Variants in ABCB10 observed in about 807,000 individuals in gnomAD.
ABCB10 encodes the protein ATP-binding cassette sub-family B member 10, mitochondrial.
In ABCB10, 54 loss-of-function variants were observed where a neutral mutation model predicts 65.4. The observed-to-expected ratio is 0.83, with a 90% confidence interval of 0.66 to 1.04. The LOEUF is 1.04. Among genes scored for constraint, ABCB10 ranks in the 50% least tolerant of loss-of-function variants. The pLI, the probability that ABCB10 is intolerant of heterozygous loss-of-function variation, is 0.00. For synonymous variants in ABCB10, 418 were observed against 406.5 expected, an observed-to-expected ratio of 1.03 and a Z score of -0.34; for missense variants, 846 against 976.6, an observed-to-expected ratio of 0.87 and a Z score of 1.78.
chr1:229,544,506 T>C (rs1273622928), intron 3 of ABCB10, among the ~76,000 whole-genome samples: 1 of 151,660 alleles, frequency 6.6e-6, no homozygotes, highest in African/African-American at 2.4e-5. Context: ...ATTGGCAGTA[T>C]GCCATACACA....
At chr1:229,546,907 A>T (rs1662981147) in intron 3 of ABCB10, among the ~76,000 whole-genome samples, 1 of 152,132 alleles carries the variant, frequency 6.6e-6, no homozygotes, top group South Asian at 2.1e-4. Flanking sequence ...TAAAAAAAAA[A>T]TTAATCTCAT....
At chr1:229,555,501 C>T (rs1009372940) in intron 1 of ABCB10, among the ~76,000 whole-genome samples, 2 of 152,262 alleles carry the variant, frequency 1.3e-5, no homozygotes, top group Non-Finnish European at 2.9e-5. Context: ...CAGCACACGT[C>T]TGTACATATT....
At position 229,530,242 on chromosome 1, in the gene ABCB10, T is replaced by C. The variant is rs1176418389; in HGVS notation, c.1602A>G (p.Ser534=). The C allele has an allele frequency of 1.2e-6, 2 of 1,614,104 alleles. No individual in the cohort carries two copies. The highest frequency in any genetic ancestry group is 3.3e-5 in the Admixed American group (2 of 60,008). The change falls in exon 8 of 13, where the codon TCA becomes TCG. Residue 534 remains serine, a synonymous_variant. Transcript: ENST00000344517. ...ACCTCAGCAGGAGTGAAAGCACTGT[T>C]GATTTGCCAGAACCACTTGGGCCAA... The part of the protein sequence containing the change: ...ALVGPSGSGK[S]TVLSLLLRLY...
intron 3 of ABCB10, among the ~76,000 whole-genome samples, chr1:229,544,342 G>A (rs566355629): frequency 2.7e-5 from 4 of 150,526 alleles, no homozygotes; most frequent in African/African-American, 7.3e-5. Flanking sequence ...ACTCGAGCTC[G>A]GGAGGCAGAG....
In ABCB10 at chr1:229,542,242, T is replaced by C; in HGVS notation, c.1051A>G (p.Thr351Ala). 6.2e-7 allele frequency: 1 copy of C among 1,613,852 alleles called. No individual in the cohort carries two copies. The highest frequency in any genetic ancestry group is 8.5e-7 in the Non-Finnish European group (1 of 1,179,934). ...KVTQDSLAQATQLAEERIGNV... is the reference protein window; with the variant it reads ...KVTQDSLAQAAQLAEERIGNV... ...GGACAGGAAGGGGCCTTTACCTGAG[T>C]GGCTTGTGCCAGGGAATCCTGAGTG... Residue 351 changes from threonine to alanine, a missense_variant, in exon 4 of 13, where the codon ACT becomes GCT. Coordinates refer to ENST00000344517, the MANE Select transcript of ABCB10 (RefSeq NM_012089.3).
intron 6 of ABCB10, chr1:229,535,037 T>TAAAAAAAA (rs1662680078): frequency 1.6e-5 from 1 of 63,564 alleles, no homozygotes; most frequent in African/African-American, 8.5e-5. Context: ...GAGACTCCCT[T>TAAAAAAAA]TAAAAAAAAA....
chr1:229,549,301 C>T lies in ABCB10; in HGVS notation c.651G>A (p.Gly217=). 6.2e-7 allele frequency: 1 copy of T among 1,614,134 alleles called. No individual in the cohort carries two copies. The highest frequency in any genetic ancestry group is 8.5e-7 in the Non-Finnish European group (1 of 1,180,034). Residue 217 remains glycine, a synonymous_variant, in exon 2 of 13, where the codon GGG becomes GGA. Transcript: ENST00000344517. ...CACCACACAGAAACACGGCACTGAG[C>T]CCTAGGCAGAGGCGGGTCAGGTTGT... ...YSDNLTRLCL[G]LSAVFLCGAA...
chr1:229,521,645 A>G lies in ABCB10; in HGVS notation c.1907-10T>C. Reference sequence around the variant, plus strand: ...CGCTGTTTCTGCCCACCTGACAAAGACAACATTTAAAAAAAGAAGGCCTCA... The same window carrying G: ...CGCTGTTTCTGCCCACCTGACAAAGGCAACATTTAAAAAAAGAAGGCCTCA... On this transcript the variant is annotated splice_polypyrimidine_tract_variant and intron_variant, in intron 10 of 12. Transcript: ENST00000344517. The G allele has an allele frequency of 1.2e-6, 2 of 1,613,152 alleles. No homozygotes were observed. Among genetic ancestry groups the G allele is most frequent in the Non-Finnish European group, 1.7e-6 (2 of 1,179,492 alleles).
intron 6 of ABCB10, among the ~76,000 whole-genome samples, chr1:229,537,373 T>C (rs1662744538): frequency 6.6e-6 from 1 of 152,262 alleles, no homozygotes; most frequent in Non-Finnish European, 1.5e-5. Context: ...CTAGTATGTC[T>C]TTCTAGGCAG....
In ABCB10 at chr1:229,547,621, G is replaced by A. The variant is rs1010551085; in HGVS notation, c.799C>T (p.Arg267Cys). Reference sequence around the variant, plus strand: ...AGGCGGTTAATCAATTCTCCTGTGCGAGTCTTGTCAAAGAAAGCAACCTCC... The same window carrying A: ...AGGCGGTTAATCAATTCTCCTGTGCAAGTCTTGTCAAAGAAAGCAACCTCC... ...RQEVAFFDKT[R>C]TGELINRLSS... The change falls in exon 3 of 13, where the codon CGC (arginine) becomes TGC (cysteine). Residue 267 changes from arginine (R) to cysteine (C), a missense_variant. By Grantham distance (180) the Arg-to-Cys change is radical. Coordinates refer to ENST00000344517, the MANE Select transcript of ABCB10 (RefSeq NM_012089.3). 7.4e-6 allele frequency: 12 copies of A among 1,614,092 alleles called. 1 individual carries two copies. Among genetic ancestry groups the A allele is most frequent in the Middle Eastern group, 1.6e-4 (1 of 6,082 alleles).
chr1:229,549,398 G>T lies in ABCB10; in HGVS notation c.554C>A (p.Ser185Tyr). The change falls in exon 2 of 13, where the codon TCC (serine) becomes TAC (tyrosine). Residue 185 changes from serine (S) to tyrosine (Y), a missense_variant. Ser to Tyr is a moderately radical substitution (Grantham distance 144). Coordinates refer to ENST00000344517, the MANE Select transcript of ABCB10 (RefSeq NM_012089.3). Reference protein sequence around the residue: ...VGFLTMSSVISMSAPFFLGKI... With the variant: ...VGFLTMSSVIYMSAPFFLGKI... ...CCCCAGGAAGAAAGGGGCAGACATG[G>T]AGATAACACTGGACATCGTGAGAAA... 6.2e-7 allele frequency: 1 copy of T among 1,614,196 alleles called. No homozygotes were observed. The highest frequency in any genetic ancestry group is 8.5e-7 in the Non-Finnish European group (1 of 1,180,030).
At chr1:229,518,987 T>C (rs2102798721) in intron 11 of ABCB10, 112 bp from the exon 12 acceptor site, 1 of 799,152 alleles carries the variant, frequency 1.3e-6, no homozygotes, top group Non-Finnish European at 2.0e-6. Flanking sequence ...GGATGAGCCT[T>C]GGAAACTTAT....
chr1:229,523,041 CT>C (rs1008592644), intron 10 of ABCB10, among the ~76,000 whole-genome samples: 35 of 152,150 alleles, frequency 2.3e-4, no homozygotes, highest in Non-Finnish European at 3.1e-4. Context: ...TTATGATGTT[CT>C]TTTTTTCCCC....
intron 6 of ABCB10, among the ~76,000 whole-genome samples, chr1:229,537,585 A>C (rs1014006155): frequency 6.6e-6 from 1 of 152,098 alleles, no homozygotes; most frequent in African/African-American, 2.4e-5. Context: ...TCAGGAGTTC[A>C]AGACTAGCCT....
intron 1 of ABCB10, among the ~76,000 whole-genome samples, chr1:229,552,228 G>C (rs1242158307): frequency 1.3e-5 from 2 of 152,126 alleles, no homozygotes; most frequent in East Asian, 3.9e-4. Flanking sequence ...TAGTTAACTG[G>C]ATTCTTGTTA....
intron 9 of ABCB10, among the ~76,000 whole-genome samples, chr1:229,526,922 A>G (rs765502541): frequency 1.8e-4 from 27 of 152,208 alleles, no homozygotes; most frequent in Non-Finnish European, 3.1e-4. Context: ...GGGAAGAATC[A>G]GTAAAAGCTA....
At chr1:229,553,717 C>G (rs1663171872) in intron 1 of ABCB10, among the ~76,000 whole-genome samples, 1 of 151,192 alleles carries the variant, frequency 6.6e-6, no homozygotes, top group African/African-American at 2.4e-5. Flanking sequence ...GGTCGGAACC[C>G]TGACGAACTC....
intron 1 of ABCB10, among the ~76,000 whole-genome samples, chr1:229,554,624 G>A (rs561876514): frequency 7.8e-4 from 119 of 152,274 alleles, no homozygotes; most frequent in Non-Finnish European, 1.6e-3. Flanking sequence ...TAAAAAATTA[G>A]TAAGATATTT....
rs60518614 is a variant in ABCB10, at chr1:229,547,845, T to A, written c.719-144A>T. On this transcript the variant is annotated intron_variant, in intron 2 of 12. Coordinates refer to ENST00000344517, the MANE Select transcript of ABCB10 (RefSeq NM_012089.3). Reference sequence around the variant, plus strand: ...CTCTGAGCGTGTCTGCTGCACTGTATCCCATGGGTGGAAAGAGACTTTCCC... The same window carrying A: ...CTCTGAGCGTGTCTGCTGCACTGTAACCCATGGGTGGAAAGAGACTTTCCC... 8.3e-6 allele frequency: 6 copies of A among 722,466 alleles called. No homozygotes were observed. In the African/African-American group the frequency reaches 8.9e-5, roughly 11 times the overall value. The allele number at this position is 722,466 out of a possible 1,614,324, so 44.8% of individuals were successfully genotyped here.
Sources: gnomAD v4.1 joint callset for allele counts (sites outside exome capture counted in the v4.1 genomes callset) on GRCh38, gnomAD v4.1.1 for gene constraint, MANE v1.5 for transcripts, NCBI Gene and HGNC (gene_info 2026-07-23, HGNC 2026-07-21) for gene names.